CIMAP3: variants seen among roughly 807,000 people sequenced by gnomAD.
CIMAP3 encodes ciliary microtubule associated protein 3, also known as ciliary microtubule-associated protein 3.
chr1:111,328,895 G>A, the CIMAP3 span, among the ~76,000 whole-genome samples: 1 of 152,160 alleles, frequency 6.6e-6, no homozygotes, highest in Non-Finnish European at 1.5e-5. Context: ...TCATTGTGCT[G>A]TTAGCTGGTT....
At chr1:111,337,148 G>C in the CIMAP3 span, among the ~76,000 whole-genome samples, 1 of 152,144 alleles carries the variant, frequency 6.6e-6, no homozygotes, top group Non-Finnish European at 1.5e-5. Context: ...AGCAAATGCT[G>C]AGAGATTTTG....
At chr1:111,331,719 T>G in the CIMAP3 span, among the ~76,000 whole-genome samples, 1,198 of 152,254 alleles carry the variant, frequency 7.9e-3, 14 homozygotes, top group African/African-American at 0.027. Context: ...ATTGGGGTCT[T>G]TTACTGGAGA....
the CIMAP3 span, chr1:111,348,707 G>C: frequency 6.9e-7 from 1 of 1,454,310 alleles, no homozygotes; most frequent in Non-Finnish European, 9.2e-7. Context: ...AAAGAAGTAC[G>C]TAATAAAAGA....
chr1:111,330,152 G>A, the CIMAP3 span, among the ~76,000 whole-genome samples: 44,025 of 151,906 alleles, frequency 0.29, 7,318 homozygotes, highest in South Asian at 0.42. Flanking sequence ...GATAATCTTT[G>A]TTCCTATCCA....
the CIMAP3 span, among the ~76,000 whole-genome samples, chr1:111,335,556 C>A: frequency 1.3e-5 from 2 of 149,888 alleles, no homozygotes; most frequent in South Asian, 2.1e-4. Context: ...ATATCCAGCA[C>A]TGGCTCAGAG....
At chr1:111,348,765 A>G in the CIMAP3 span, 1 of 1,010,244 alleles carries the variant, frequency 9.9e-7, no homozygotes, top group Non-Finnish European at 1.4e-6. Flanking sequence ...TTAAATAAGG[A>G]ACCATTCAGA....
the CIMAP3 span, among the ~76,000 whole-genome samples, chr1:111,337,779 C>G: frequency 1.3e-5 from 2 of 152,164 alleles, no homozygotes; most frequent in Non-Finnish European, 2.9e-5. Flanking sequence ...CAGCATTAGA[C>G]AGATCAATGA....
the CIMAP3 span, chr1:111,347,532 C>T: frequency 5.1e-6 from 3 of 591,502 alleles, no homozygotes; most frequent in Non-Finnish European, 9.0e-6. Context: ...AAAGAATAAT[C>T]CCTTGCAGAG....
chr1:111,340,050 C>T, the CIMAP3 span, among the ~76,000 whole-genome samples: 1 of 151,938 alleles, frequency 6.6e-6, no homozygotes, highest in South Asian at 2.1e-4. Context: ...GGAATAACGT[C>T]GCATATCTAC....
the CIMAP3 span, among the ~76,000 whole-genome samples, chr1:111,328,840 C>A: frequency 6.6e-6 from 1 of 152,156 alleles, no homozygotes; most frequent in Admixed American, 6.5e-5. Flanking sequence ...GCATTCAGCC[C>A]AGTTACATTC....
chr1:111,342,052 T>C, the CIMAP3 span, among the ~76,000 whole-genome samples: 2 of 152,072 alleles, frequency 1.3e-5, no homozygotes, highest in Non-Finnish European at 2.9e-5. Flanking sequence ...GAGAACGATA[T>C]AAACACCTAT....
the CIMAP3 span, among the ~76,000 whole-genome samples, chr1:111,344,463 C>T: frequency 6.6e-6 from 1 of 152,206 alleles, no homozygotes; most frequent in Non-Finnish European, 1.5e-5. Flanking sequence ...AGCAAGCGTT[C>T]CAATGGAACA....
At chr1:111,327,621 C>T in the CIMAP3 span, among the ~76,000 whole-genome samples, 1 of 152,116 alleles carries the variant, frequency 6.6e-6, no homozygotes, top group Non-Finnish European at 1.5e-5. Flanking sequence ...TCCATCTCTT[C>T]TAAGTTGTCT....
chr1:111,340,188 C>T, the CIMAP3 span, among the ~76,000 whole-genome samples: 3 of 151,914 alleles, frequency 2.0e-5, no homozygotes, highest in African/African-American at 7.3e-5. Context: ...TTCCTTACAA[C>T]TTATACAAAA....
At chr1:111,340,275 C>T in the CIMAP3 span, among the ~76,000 whole-genome samples, 3 of 151,446 alleles carry the variant, frequency 2.0e-5, no homozygotes, top group Non-Finnish European at 4.4e-5. Flanking sequence ...CTAGGCATTA[C>T]CATTCAGGAC....
At chr1:111,328,349 A>G in the CIMAP3 span, among the ~76,000 whole-genome samples, 1 of 152,240 alleles carries the variant, frequency 6.6e-6, no homozygotes, top group East Asian at 1.9e-4. Context: ...AGAGTTCTGT[A>G]AAGGTCTATC....
At chr1:111,338,350 G>C in the CIMAP3 span, among the ~76,000 whole-genome samples, 411 of 150,414 alleles carry the variant, frequency 2.7e-3, no homozygotes, top group African/African-American at 9.6e-3. Context: ...TAAAATCAGA[G>C]CAGAACTGAA....
At chr1:111,334,955 C>T in the CIMAP3 span, among the ~76,000 whole-genome samples, 4 of 151,858 alleles carry the variant, frequency 2.6e-5, no homozygotes, top group Non-Finnish European at 5.9e-5. Context: ...TGGCAAAACC[C>T]TGTCTCTACC....
the CIMAP3 span, chr1:111,324,707 G>A: frequency 1.0e-6 from 1 of 985,272 alleles, no homozygotes; most frequent in South Asian, 4.7e-5. Context: ...ATGTGAGAGT[G>A]GCAACTCATG....
Sources: gnomAD v4.1 joint callset for allele counts (sites outside exome capture counted in the v4.1 genomes callset) on GRCh38, gnomAD v4.1.1 for gene constraint, MANE v1.5 for transcripts, NCBI Gene and HGNC (gene_info 2026-07-23, HGNC 2026-07-21) for gene names.